Variants in BBX observed in about 807,000 individuals in gnomAD.
BBX encodes HMG box transcription factor BBX.
BBX carries 30 observed loss-of-function variants against 100.2 expected under a neutral mutation model. The ratio of observed to expected loss-of-function variants is 0.30; its 90% CI spans 0.22 to 0.41. The LOEUF is 0.41. Ranked by LOEUF, BBX falls within the 10% of genes least tolerant of loss-of-function variation. BBX has a pLI of 1.00. For missense variants in BBX, 1,023 were observed against 1,129.8 expected, an observed-to-expected ratio of 0.91 and a Z score of 1.35; for synonymous variants, 376 against 388.1, an observed-to-expected ratio of 0.97 and a Z score of 0.37.
At chr3:107,715,741 A>G (rs1016549099) in intron 4 of BBX, among the ~76,000 whole-genome samples, 10 of 152,264 alleles carry the variant, frequency 6.6e-5, no homozygotes, top group African/African-American at 2.4e-4. Context: ...GGCGTAGGCC[A>G]AAGTGGTACT....
intron 9 of BBX, among the ~76,000 whole-genome samples, chr3:107,754,401 T>C (rs2065314936): frequency 6.6e-6 from 1 of 152,192 alleles, no homozygotes; most frequent in Non-Finnish European, 1.5e-5. Context: ...ATGTATCTTC[T>C]AAAGGAAAAG....
intron 2 of BBX, chr3:107,641,797 A>G (rs1379306086): frequency 6.6e-6 from 1 of 152,184 alleles, no homozygotes; most frequent in Non-Finnish European, 1.5e-5. Context: ...TCAGTTAAAG[A>G]TTGGTGCCTG....
chr3:107,748,226 C>T (rs550939422), intron 9 of BBX, among the ~76,000 whole-genome samples, 187 bp downstream of exon 9: 4 of 152,168 alleles, frequency 2.6e-5, no homozygotes, highest in South Asian at 4.2e-4. Flanking sequence ...AATCAGCTCC[C>T]GATTTTACAC....
intron 2 of BBX, among the ~76,000 whole-genome samples, chr3:107,578,238 T>C (rs538180443): frequency 6.6e-6 from 1 of 152,324 alleles, no homozygotes; most frequent in Admixed American, 6.5e-5. Context: ...GTGCATTCAC[T>C]GCACTGTAAG....
At chr3:107,760,553 A>C (rs2065817368) in intron 10 of BBX, among the ~76,000 whole-genome samples, 1 of 152,232 alleles carries the variant, frequency 6.6e-6, no homozygotes, top group Admixed American at 6.5e-5. Flanking sequence ...TAACAAGTTA[A>C]GGAATAAGAA....
chr3:107,681,446 G>A (rs774926442), intron 3 of BBX, among the ~76,000 whole-genome samples: 66 of 152,242 alleles, frequency 4.3e-4, no homozygotes, highest in Non-Finnish European at 7.8e-4. Flanking sequence ...CCTACAAGGA[G>A]TGTTTAGAAA....
At chr3:107,680,439 G>A (rs539523437) in intron 3 of BBX, among the ~76,000 whole-genome samples, 12 of 152,276 alleles carry the variant, frequency 7.9e-5, no homozygotes, top group African/African-American at 2.6e-4. Context: ...TAAGGGTGAA[G>A]TGGTTTCCAA....
At chr3:107,528,723 G>A (rs2047945612) in intron 2 of BBX, among the ~76,000 whole-genome samples, 1 of 152,182 alleles carries the variant, frequency 6.6e-6, no homozygotes, top group African/African-American at 2.4e-5. Flanking sequence ...AAGTAACTAC[G>A]TAGTTGATAA....
chr3:107,757,972 C>G (rs2065617234), intron 10 of BBX, among the ~76,000 whole-genome samples: 1 of 152,140 alleles, frequency 6.6e-6, no homozygotes, highest in South Asian at 2.1e-4. Flanking sequence ...TAGCCTAATA[C>G]AACTTATTAT....
At chr3:107,552,323 G>T (rs2049757044) in intron 2 of BBX, among the ~76,000 whole-genome samples, 1 of 143,036 alleles carries the variant, frequency 7.0e-6, no homozygotes, top group Non-Finnish European at 1.5e-5. Context: ...TCCAGCCTGG[G>T]CAACAGAAGA....
Position 107,806,711 on chromosome 3 carries a change from A to C in BBX, c.*1254A>C, listed in dbSNP as rs904786622. 1 of 152,222 alleles carries C rather than the reference A, an allele frequency of 6.6e-6. No homozygotes were observed. Among genetic ancestry groups the C allele is most frequent in the African/African-American group, 2.4e-5 (1 of 41,456 alleles). 9.4% of individuals were successfully genotyped at this position (152,222 alleles called of 1,614,324 possible). A position where few individuals can be genotyped will look rare whatever the true frequency, so the allele number is the denominator to read the frequency against. On this transcript the variant is annotated 3_prime_UTR_variant, in exon 18 of 18. Coordinates refer to ENST00000325805, the MANE Select transcript of BBX (RefSeq NM_001142568.3). ...GTGGATTAACTGGCTTAGAACATTC[A>C]ACATATTGACTTAACCACCTGACAT...
chr3:107,706,621 T>C (rs2061413243), intron 3 of BBX, among the ~76,000 whole-genome samples: 1 of 152,216 alleles, frequency 6.6e-6, no homozygotes, highest in African/African-American at 2.4e-5. Context: ...CAATGCAGAA[T>C]GGAAGAATAA....
intron 4 of BBX, among the ~76,000 whole-genome samples, chr3:107,715,796 G>A (rs1363665641): frequency 4.6e-5 from 7 of 152,188 alleles, no homozygotes; most frequent in East Asian, 3.9e-4. Context: ...GGACAGATTC[G>A]GAGCTTTGTA....
chr3:107,785,413 G>A (rs1576800771), intron 13 of BBX, among the ~76,000 whole-genome samples: 1 of 151,858 alleles, frequency 6.6e-6, no homozygotes, highest in Non-Finnish European at 1.5e-5. Context: ...TCTTACAAAT[G>A]TGAACACAGA....
chr3:107,583,758 G>T (rs190821000), intron 2 of BBX, among the ~76,000 whole-genome samples: 4 of 144,174 alleles, frequency 2.8e-5, no homozygotes, highest in African/African-American at 1.0e-4. Context: ...CTTCATTATA[G>T]CCTGGTTTCT....
intron 5 of BBX, among the ~76,000 whole-genome samples, chr3:107,720,746 C>A (rs575284738): frequency 6.6e-6 from 1 of 151,954 alleles, no homozygotes; most frequent in African/African-American, 2.4e-5. Context: ...GTTTTCACTG[C>A]CACAAAACTC....
chr3:107,555,176 G>A (rs966556750), intron 2 of BBX, among the ~76,000 whole-genome samples: 2 of 152,206 alleles, frequency 1.3e-5, no homozygotes, highest in Admixed American at 6.5e-5. Context: ...TATTTGAGGT[G>A]TAGTTGCTCA....
rs1046055216 is a variant in BBX, at chr3:107,615,393, T to A, written c.-83-30443T>A. 5.9e-5 allele frequency among the ~76,000 whole-genome samples: 9 copies of A among 152,320 alleles called. No homozygotes were observed. In the East Asian group the frequency reaches 1.7e-3, roughly 29 times the overall value. ...AACAACAGAAATTAATTTCTCATAC[T>A]TCTGGAGGCTCAGAAGTCCAGGATC... On this transcript the variant is annotated intron_variant, in intron 2 of 17. Coordinates refer to ENST00000325805, the MANE Select transcript of BBX (RefSeq NM_001142568.3).
At chr3:107,724,040 G>C (rs2062737381) in intron 5 of BBX, among the ~76,000 whole-genome samples, 1 of 152,148 alleles carries the variant, frequency 6.6e-6, no homozygotes, top group South Asian at 2.1e-4. Flanking sequence ...GTGTAAAAGT[G>C]TTCCTATTTC....
Sources: allele counts gnomAD v4.1 joint callset (sites outside exome capture counted in the v4.1 genomes callset), GRCh38; gene constraint gnomAD v4.1.1; transcripts MANE v1.5; gene names NCBI Gene and HGNC (gene_info 2026-07-23, HGNC 2026-07-21).